PKP4: variants seen among roughly 807,000 people sequenced by gnomAD.
The protein encoded by PKP4 is plakophilin 4.
Under a neutral mutation model 145.1 loss-of-function variants are expected in PKP4, and 90 were observed. The ratio of observed to expected loss-of-function variants is 0.62; its 90% CI spans 0.52 to 0.74. The LOEUF is 0.74. PKP4 is among the 30% of genes least tolerant of loss of function. The pLI, the probability that PKP4 is intolerant of heterozygous loss-of-function variation, is 0.00. For synonymous variants in PKP4, 563 were observed against 577.2 expected (o/e 0.98, Z 0.35); for missense variants, 1,340 against 1,482.7 (o/e 0.90, Z 1.58).
rs145518345 is a variant in PKP4 at position 158,673,237 on chromosome 2, G to A, written c.2925-440G>A. Among the ~76,000 whole-genome samples, 7 of 152,342 alleles carry A rather than the reference G, an allele frequency of 4.6e-5. No homozygotes were observed. The East Asian group carries it at 1.4e-3, about 29-fold the overall frequency. On this transcript the variant is annotated intron_variant, in intron 17 of 21. Coordinates refer to ENST00000389759, the MANE Select transcript of PKP4 (RefSeq NM_003628.6). ...TAGAGGTATGAATGATAAGGCAATG[G>A]AGGTATTTAGATGAAGGCTTAATAA...
At chr2:158,564,653 G>T (rs1423737367) in intron 2 of PKP4, among the ~76,000 whole-genome samples, 1 of 152,084 alleles carries the variant, frequency 6.6e-6, no homozygotes, top group African/African-American at 2.4e-5. Context: ...CACCAGCCCT[G>T]GCTGTTAACC....
At chr2:158,628,856 G>A (rs1433108295) in intron 7 of PKP4, among the ~76,000 whole-genome samples, 2 of 152,188 alleles carry the variant, frequency 1.3e-5, no homozygotes, top group Non-Finnish European at 2.9e-5. Flanking sequence ...ACCGATGTCA[G>A]AAGCATCCAG....
At chr2:158,482,037 A>G (rs1407663708) in intron 1 of PKP4, among the ~76,000 whole-genome samples, 1 of 152,222 alleles carries the variant, frequency 6.6e-6, no homozygotes, top group Non-Finnish European at 1.5e-5. Context: ...GTGATCGCTC[A>G]TGCCATAATT....
intron 1 of PKP4, among the ~76,000 whole-genome samples, chr2:158,519,161 G>C (rs1183764409): frequency 6.9e-6 from 1 of 145,516 alleles, no homozygotes; most frequent in Non-Finnish European, 1.5e-5. Context: ...TTTTTTAATT[G>C]TTGTTTCTGA....
intron 1 of PKP4, among the ~76,000 whole-genome samples, chr2:158,459,098 C>T (rs1351749314): frequency 6.6e-6 from 1 of 152,038 alleles, no homozygotes; most frequent in Non-Finnish European, 1.5e-5. Flanking sequence ...AGCTTAGATT[C>T]TTTTTATTTT....
At chr2:158,603,256 C>T (rs761089738) in intron 4 of PKP4, 152 bp downstream of exon 4, 6 of 416,948 alleles carry the variant, frequency 1.4e-5, no homozygotes, top group Admixed American at 4.4e-5. Context: ...ACTTAATATG[C>T]TTAAGTTTTT....
chr2:158,478,486 C>T (rs1052739311), intron 1 of PKP4, among the ~76,000 whole-genome samples: 3 of 152,202 alleles, frequency 2.0e-5, no homozygotes, highest in Non-Finnish European at 2.9e-5. Context: ...TAAATGGAAT[C>T]ATCAGCAAGC....
Position 158,631,832 on chromosome 2 carries a change from T to C in PKP4, c.1233T>C (p.Ile411=). The C allele has an allele frequency of 6.2e-7, 1 of 1,614,106 alleles. No homozygotes were observed. The highest frequency in any genetic ancestry group is 1.7e-4 in the Middle Eastern group (1 of 6,060). Residue 411 remains isoleucine, a synonymous_variant, in exon 8 of 22, where the codon ATT becomes ATC. Transcript: ENST00000389759. The stretch of plus-strand genomic sequence containing the variant: ...CTGCCGTGTCTCCCGACTTGCACAT[T>C]ACTCCTATATATGAGGGGAGGACCT... ...LRSAVSPDLH[I]TPIYEGRTYY...
Position 158,657,265 on chromosome 2 carries a change from T to C in PKP4, c.1910-866T>C, listed in dbSNP as rs535791340. ...CATCTCAAATTTGCTCCAATGTCTA[T>C]GAGAGCAATTATTGGAAAACCTGTG... On this transcript the variant is annotated intron_variant, in intron 11 of 21. Transcript: ENST00000389759. Among the ~76,000 whole-genome samples, 3 of 152,312 alleles carry C rather than the reference T, an allele frequency of 2.0e-5. 1 individual carries two copies. Among genetic ancestry groups the C allele is most frequent in the African/African-American group, 7.2e-5 (3 of 41,560 alleles).
At chr2:158,664,671 G>T (rs1254769737) in intron 15 of PKP4, among the ~76,000 whole-genome samples, 1 of 152,234 alleles carries the variant, frequency 6.6e-6, no homozygotes, top group Non-Finnish European at 1.5e-5. Context: ...CTAAGCCGGT[G>T]TGGTTATTTT....
intron 9 of PKP4, among the ~76,000 whole-genome samples, chr2:158,635,393 A>G (rs1040487803): frequency 6.6e-6 from 1 of 152,136 alleles, no homozygotes; most frequent in Non-Finnish European, 1.5e-5. Context: ...TAACTTGTCT[A>G]ATAACACCTA....
At chr2:158,655,764 A>C (rs1287363394) in intron 11 of PKP4, among the ~76,000 whole-genome samples, 1 of 152,244 alleles carries the variant, frequency 6.6e-6, no homozygotes, top group Admixed American at 6.5e-5. Flanking sequence ...AGGGGAGCTT[A>C]GGGAGTCACC....
chr2:158,611,471 T>A (rs907418223), intron 4 of PKP4, among the ~76,000 whole-genome samples: 7 of 152,184 alleles, frequency 4.6e-5, no homozygotes, highest in African/African-American at 1.4e-4. Context: ...TAAAAAAACA[T>A]CAATACCGAA....
chr2:158,494,049 A>G (rs556164819), intron 1 of PKP4, among the ~76,000 whole-genome samples: 14 of 152,330 alleles, frequency 9.2e-5, no homozygotes, highest in African/African-American at 3.4e-4. Context: ...GATTCTTGCC[A>G]TGATAAAAGT....
chr2:158,631,869 G>C lies in PKP4; in HGVS notation c.1270G>C (p.Val424Leu). 6.2e-7 allele frequency: 1 copy of C among 1,614,154 alleles called. No individual in the cohort carries two copies. Among genetic ancestry groups the C allele is most frequent in the Non-Finnish European group, 8.5e-7 (1 of 1,180,000 alleles). ...TGAGGGGAGGACCTATTACAGCCCA[G>C]TGTACCGCAGCCCAAACCATGGAAC... ...IYEGRTYYSP[V>L]YRSPNHGTVE... The change falls in exon 8 of 22, where the codon GTG (valine) becomes CTG (leucine). Residue 424 changes from valine (V) to leucine (L), a missense_variant. Physicochemically the swap from Val to Leu is conservative, Grantham distance 32. Transcript: ENST00000389759.
At chr2:158,636,738 T>C (rs1367931426) in intron 9 of PKP4, among the ~76,000 whole-genome samples, 1 of 152,186 alleles carries the variant, frequency 6.6e-6, no homozygotes, top group Admixed American at 6.5e-5. Context: ...TCAGAAATTT[T>C]TATTAATGCC....
At chr2:158,470,005 C>T (rs955443395) in intron 1 of PKP4, among the ~76,000 whole-genome samples, 1 of 152,144 alleles carries the variant, frequency 6.6e-6, no homozygotes, top group African/African-American at 2.4e-5. Flanking sequence ...CAGATTTCAA[C>T]CTTCCCACCT....
chr2:158,625,276 G>T lies in PKP4; in HGVS notation c.1002G>T (p.Gly334=). 6.2e-7 allele frequency: 1 copy of T among 1,614,208 alleles called. No individual in the cohort carries two copies. The highest frequency in any genetic ancestry group is 8.5e-7 in the Non-Finnish European group (1 of 1,180,026). Residue 334 remains glycine (G), a synonymous_variant, in exon 7 of 22, where the codon GGG becomes GGT. Transcript: ENST00000389759. The stretch of plus-strand genomic sequence containing the variant: ...CTTCCCCATCCCAAGGCCAGGTGGG[G>T]TCGTCGTCCCCCAAACGCTCAGGGA... The part of the protein sequence containing the change: ...RVASPSQGQV[G]SSSPKRSGMT...
At chr2:158,474,144 A>G (rs985899135) in intron 1 of PKP4, among the ~76,000 whole-genome samples, 13 of 152,222 alleles carry the variant, frequency 8.5e-5, no homozygotes, top group African/African-American at 3.1e-4. Context: ...TTTTAACAGA[A>G]GCTACTCGAC....
Sources: gnomAD v4.1 joint callset for allele counts (sites outside exome capture counted in the v4.1 genomes callset) on GRCh38, gnomAD v4.1.1 for gene constraint, MANE v1.5 for transcripts, NCBI Gene and HGNC (gene_info 2026-07-23, HGNC 2026-07-21) for gene names.